Variants in NTM observed in about 807,000 individuals in gnomAD.
NTM encodes neurotrimin.
In NTM, 13 loss-of-function variants were observed where a neutral mutation model predicts 42.1. The ratio of observed to expected loss-of-function variants is 0.31; its 90% CI spans 0.20 to 0.49. The LOEUF is 0.49. Ranked by LOEUF, NTM falls within the 20% of genes least tolerant of loss-of-function variation. The pLI is 0.99. For missense variants in NTM, 373 were observed against 452.8 expected (o/e 0.82, Z 1.60); for synonymous variants, 187 against 179.2 (o/e 1.04, Z -0.35).
At chr11:132,011,371 A>G (rs1300993395) in intron 2 of NTM, among the ~76,000 whole-genome samples, 1 of 152,212 alleles carries the variant, frequency 6.6e-6, no homozygotes, top group East Asian at 1.9e-4. Flanking sequence ...TCTGGAATGA[A>G]AGGGTTCATG....
At chr11:131,804,012 T>C (rs2092333788) in intron 1 of NTM, among the ~76,000 whole-genome samples, 1 of 152,242 alleles carries the variant, frequency 6.6e-6, no homozygotes, top group East Asian at 1.9e-4. Context: ...CTTCACAGTA[T>C]TACCAGCTCT....
chr11:131,920,321 C>T (rs1378616400), intron 2 of NTM, among the ~76,000 whole-genome samples: 1 of 152,128 alleles, frequency 6.6e-6, no homozygotes, highest in Non-Finnish European at 1.5e-5. Flanking sequence ...ATTCATATCT[C>T]CTGATGATTG....
At chr11:132,123,818 T>C (rs1027068280) in intron 2 of NTM, among the ~76,000 whole-genome samples, 2 of 152,056 alleles carry the variant, frequency 1.3e-5, no homozygotes, top group African/African-American at 4.8e-5. Flanking sequence ...AAGAGTTAGG[T>C]TCCTACGTGT....
chr11:131,429,507 T>C (rs1215525531), intron 1 of NTM, among the ~76,000 whole-genome samples: 1 of 152,130 alleles, frequency 6.6e-6, no homozygotes, highest in Non-Finnish European at 1.5e-5. Flanking sequence ...ATGCTAATGA[T>C]AATGATGCTT....
intron 2 of NTM, among the ~76,000 whole-genome samples, chr11:132,130,752 C>T (rs1373331880): frequency 6.6e-6 from 1 of 152,164 alleles, no homozygotes; most frequent in African/African-American, 2.4e-5. Flanking sequence ...GATGGAGTTG[C>T]CGGCAGCAGA....
At chr11:132,023,662 C>T (rs796817928) in intron 2 of NTM, among the ~76,000 whole-genome samples, 5 of 152,156 alleles carry the variant, frequency 3.3e-5, no homozygotes, top group African/African-American at 4.8e-5. Flanking sequence ...AGCGTTATTG[C>T]AAGCACTAGA....
At chr11:132,212,807 G>A (rs560806596) in intron 4 of NTM, among the ~76,000 whole-genome samples, 42 of 152,096 alleles carry the variant, frequency 2.8e-4, no homozygotes, top group Admixed American at 5.2e-4. Context: ...CTTTTATTTG[G>A]GAACAAGAAA....
intron 1 of NTM, among the ~76,000 whole-genome samples, chr11:131,579,215 A>G (rs909967463): frequency 6.6e-5 from 10 of 152,204 alleles, no homozygotes; most frequent in Non-Finnish European, 1.3e-4. Flanking sequence ...AACTAGGAAG[A>G]GCCTCACAGA....
intron 1 of NTM, among the ~76,000 whole-genome samples, chr11:131,758,662 G>A (rs1418390032): frequency 6.6e-6 from 1 of 150,962 alleles, no homozygotes; most frequent in African/African-American, 2.4e-5. Flanking sequence ...GTGCAATCTT[G>A]GCTCACTGCA....
intron 2 of NTM, among the ~76,000 whole-genome samples, chr11:132,065,045 G>A (rs1402165660): frequency 6.6e-6 from 1 of 152,178 alleles, no homozygotes; most frequent in Non-Finnish European, 1.5e-5. Flanking sequence ...TAGGGGAATG[G>A]CACATTCCAC....
Position 131,682,554 on chromosome 11 carries a change from G to A in NTM, c.83-229010G>A, listed in dbSNP as rs1309908488. Among the ~76,000 whole-genome samples the A allele has an allele frequency of 7.9e-5, 12 of 152,198 alleles. No homozygotes were observed. In the East Asian group the frequency reaches 1.9e-3, roughly 24 times the overall value. On this transcript the variant is annotated intron_variant, in intron 1 of 8. Coordinates refer to ENST00000683400, the MANE Select transcript of NTM (RefSeq NM_001352005.2). The stretch of plus-strand genomic sequence containing the variant: ...CAGCCTGCTCAGGACTGTGACCCTG[G>A]GTGGGGACCAGGGAGCCTGCCGGCC...
Position 132,007,198 on chromosome 11 carries a change from G to A in NTM, c.167+95550G>A, listed in dbSNP as rs377425818. ...TCGGCATAACCTACTTATCCTGACT[G>A]TTACAGAGTCTGATCTTAATGCAAA... On this transcript the variant is annotated intron_variant, in intron 2 of 8. Transcript: ENST00000683400. Among the ~76,000 whole-genome samples the A allele has an allele frequency of 2.9e-4, 44 of 152,332 alleles. 2 individuals carry two copies. Among genetic ancestry groups the A allele is most frequent in the African/African-American group, 9.9e-4 (41 of 41,572 alleles).
At chr11:132,267,854 AC>A (rs1279392453) in intron 4 of NTM, among the ~76,000 whole-genome samples, 3 of 150,826 alleles carry the variant, frequency 2.0e-5, no homozygotes, top group Non-Finnish European at 4.4e-5. Context: ...AAAAAAAAAA[AC>A]AAAAAAAACC....
chr11:132,052,565 A>G (rs949896204), intron 2 of NTM, among the ~76,000 whole-genome samples: 3 of 152,194 alleles, frequency 2.0e-5, no homozygotes, highest in African/African-American at 7.2e-5. Context: ...ATAGATAATA[A>G]CATTTTCCGG....
At chr11:131,774,593 C>T (rs1000130888) in intron 1 of NTM, among the ~76,000 whole-genome samples, 3 of 152,036 alleles carry the variant, frequency 2.0e-5, no homozygotes, top group African/African-American at 4.8e-5. Context: ...TTTTTGGCTC[C>T]AAATATAATT....
chr11:131,406,271 A>G (rs764139655), intron 1 of NTM, among the ~76,000 whole-genome samples: 1 of 152,222 alleles, frequency 6.6e-6, no homozygotes, highest in East Asian at 1.9e-4. Context: ...TAAGAGCATC[A>G]TCCCTCCAAA....
At chr11:132,309,464 T>A (rs2095211953) in intron 5 of NTM, among the ~76,000 whole-genome samples, 3 of 152,190 alleles carry the variant, frequency 2.0e-5, no homozygotes, top group Non-Finnish European at 4.4e-5. Context: ...GTGCAGAAAT[T>A]CTAGAAGGCT....
chr11:132,104,937 G>GTATA (rs534897526), intron 2 of NTM, among the ~76,000 whole-genome samples: 17 of 61,798 alleles, frequency 2.8e-4, no homozygotes, highest in East Asian at 7.8e-4. Context: ...ATATACATAT[G>GTATA]TATATATATA....
intron 2 of NTM, among the ~76,000 whole-genome samples, chr11:132,039,315 A>C (rs1300906142): frequency 6.7e-6 from 1 of 149,482 alleles, no homozygotes; most frequent in Non-Finnish European, 1.5e-5. Flanking sequence ...ACTGCCTGTT[A>C]CTCCCTGCTT....
Sources: gnomAD v4.1 joint callset for allele counts (sites outside exome capture counted in the v4.1 genomes callset) on GRCh38, gnomAD v4.1.1 for gene constraint, MANE v1.5 for transcripts, NCBI Gene and HGNC (gene_info 2026-07-23, HGNC 2026-07-21) for gene names.